Variants in JAKMIP2 observed in about 807,000 individuals in gnomAD.
JAKMIP2 encodes janus kinase and microtubule-interacting protein 2.
A neutral mutation model predicts 115.0 loss-of-function variants in JAKMIP2; 25 were observed. That is an observed-to-expected ratio of 0.22 (90% CI 0.16 to 0.30). The LOEUF is 0.30. Among genes scored for constraint, JAKMIP2 ranks in the 10% least tolerant of loss-of-function variants. The pLI, the probability that JAKMIP2 is intolerant of heterozygous loss-of-function variation, is 1.00. For synonymous variants in JAKMIP2, 334 were observed against 343.6 expected (o/e 0.97, Z 0.31); for missense variants, 642 against 957.6 (o/e 0.67, Z 4.35).
chr5:147,738,647 GAA>G (rs34231900), intron 1 of JAKMIP2, among the ~76,000 whole-genome samples: 1 of 151,572 alleles, frequency 6.6e-6, no homozygotes, highest in African/African-American at 2.4e-5. Context: ...AAAAAATTCA[GAA>G]AAAAAGTTTC....
At chr5:147,620,803 T>C (rs1756813797) in intron 17 of JAKMIP2, 60 bp from the exon 18 acceptor site, 19 of 1,155,942 alleles carry the variant, frequency 1.6e-5, no homozygotes, top group Non-Finnish European at 2.3e-5. Flanking sequence ...GACGTACAAA[T>C]GGTATTGATT....
In JAKMIP2 at chr5:147,585,712, A is replaced by T. The variant is rs1754840035; in HGVS notation, c.*5995T>A. The T allele has an allele frequency of 6.6e-6, 1 of 152,180 alleles. No individual in the cohort carries two copies. The highest frequency in any genetic ancestry group is 1.5e-5 in the Non-Finnish European group (1 of 68,032). The allele number at this position is 152,180 out of a possible 1,614,324, so 9.4% of individuals were successfully genotyped here. ...GGAGTCATGCTAATGAGATGGAAAG[A>T]AAGAACCCCAATTGAGGCAGTTGAT... On this transcript the variant is annotated 3_prime_UTR_variant, in exon 22 of 22. Transcript: ENST00000616793.
At chr5:147,762,096 ATATT>A (rs372332874) in intron 1 of JAKMIP2, among the ~76,000 whole-genome samples, 4 of 152,150 alleles carry the variant, frequency 2.6e-5, no homozygotes, top group South Asian at 4.1e-4. Context: ...GAAGAAAACT[ATATT>A]TAGGAAGGAT....
intron 1 of JAKMIP2, among the ~76,000 whole-genome samples, chr5:147,694,525 AG>A: frequency 6.6e-6 from 1 of 152,190 alleles, no homozygotes; most frequent in East Asian, 1.9e-4. Flanking sequence ...TGAAATTGAT[AG>A]GCTATGCTTG....
At chr5:147,750,176 G>T (rs1188873108) in intron 1 of JAKMIP2, among the ~76,000 whole-genome samples, 1 of 152,086 alleles carries the variant, frequency 6.6e-6, no homozygotes, top group Non-Finnish European at 1.5e-5. Flanking sequence ...CACAACCATT[G>T]CGAAATAAAC....
intron 1 of JAKMIP2, among the ~76,000 whole-genome samples, chr5:147,751,927 G>C (rs545566411): frequency 1.3e-5 from 2 of 152,244 alleles, no homozygotes; most frequent in African/African-American, 2.4e-5. Flanking sequence ...ATCTGGGTTA[G>C]AGCAGTCAAG....
At chr5:147,683,547 T>TA (rs1406602024) in intron 1 of JAKMIP2, among the ~76,000 whole-genome samples, 6 of 152,014 alleles carry the variant, frequency 3.9e-5, no homozygotes, top group South Asian at 4.2e-4. Context: ...CATGTAAAGT[T>TA]AAAAAAAATG....
intron 1 of JAKMIP2, among the ~76,000 whole-genome samples, chr5:147,762,208 T>C (rs1183651308): frequency 3.3e-5 from 5 of 152,196 alleles, no homozygotes; most frequent in Non-Finnish European, 7.4e-5. Context: ...CTAGTATATT[T>C]TTTAGTTACC....
At chr5:147,767,288 T>A (rs1390556234) in intron 1 of JAKMIP2, among the ~76,000 whole-genome samples, 5 of 152,140 alleles carry the variant, frequency 3.3e-5, no homozygotes. Flanking sequence ...GACAAAGAAC[T>A]GACGGAAAAT....
At chr5:147,662,361 G>A (rs1759048177) in intron 2 of JAKMIP2, among the ~76,000 whole-genome samples, 1 of 152,090 alleles carries the variant, frequency 6.6e-6, no homozygotes. Context: ...CAAGTAGTTT[G>A]ATAAAATATT....
intron 1 of JAKMIP2, among the ~76,000 whole-genome samples, chr5:147,752,533 A>G (rs1032458008): frequency 6.6e-6 from 1 of 152,150 alleles, no homozygotes; most frequent in African/African-American, 2.4e-5. Context: ...CTACAACAGG[A>G]GAGTTAAGTG....
chr5:147,631,353 C>T, intron 14 of JAKMIP2, 60 bp downstream of exon 14: 2 of 1,080,792 alleles, frequency 1.9e-6, no homozygotes, highest in Non-Finnish European at 2.7e-6. Context: ...GTAACCTCCC[C>T]TTTTCCAATT....
chr5:147,652,352 T>C (rs1758439556), intron 3 of JAKMIP2, among the ~76,000 whole-genome samples: 1 of 152,216 alleles, frequency 6.6e-6, no homozygotes, highest in Admixed American at 6.5e-5. Flanking sequence ...CCCAAAGTGG[T>C]TTCCTGTGGG....
intron 20 of JAKMIP2, among the ~76,000 whole-genome samples, chr5:147,611,209 C>A (rs1341781785): frequency 2.0e-5 from 3 of 152,170 alleles, no homozygotes; most frequent in African/African-American, 4.8e-5. Context: ...GTCTTGATGG[C>A]ATTCCAGGTG....
chr5:147,771,707 T>C (rs1207505951), intron 1 of JAKMIP2, among the ~76,000 whole-genome samples: 1 of 152,112 alleles, frequency 6.6e-6, no homozygotes, highest in Non-Finnish European at 1.5e-5. Context: ...GACAGGGAAC[T>C]GTAGTGCTAC....
At chr5:147,767,337 T>C (rs1337298255) in intron 1 of JAKMIP2, among the ~76,000 whole-genome samples, 1 of 152,200 alleles carries the variant, frequency 6.6e-6, no homozygotes, top group African/African-American at 2.4e-5. Context: ...CATTGGCTTA[T>C]AGCTGGATGA....
chr5:147,771,266 T>C (rs1755344107), intron 1 of JAKMIP2, among the ~76,000 whole-genome samples: 2 of 152,102 alleles, frequency 1.3e-5, no homozygotes, highest in Admixed American at 1.3e-4. Context: ...CTAGAGTAAG[T>C]ATTAAGTTGC....
intron 1 of JAKMIP2, among the ~76,000 whole-genome samples, chr5:147,773,507 T>C (rs1755442354): frequency 6.6e-6 from 1 of 152,148 alleles, no homozygotes; most frequent in African/African-American, 2.4e-5. Context: ...AGCGAGTGGC[T>C]AGAAATATTA....
rs564039530 is a variant in JAKMIP2 at position 147,698,495 on chromosome 5, C to G, written c.-148-26541G>C. 2.0e-5 allele frequency among the ~76,000 whole-genome samples: 3 copies of G among 152,258 alleles called. No individual in the cohort carries two copies. The East Asian group carries it at 5.8e-4, about 29-fold the overall frequency. ...GATATGGTTTGGCTGTGTCCCCACC[C>G]AAATCTCATCTTGAACTGTAGTTCC... On this transcript the variant is annotated intron_variant, in intron 1 of 21. Transcript: ENST00000616793.
Sources: gnomAD v4.1 joint callset for allele counts (sites outside exome capture counted in the v4.1 genomes callset) on GRCh38, gnomAD v4.1.1 for gene constraint, MANE v1.5 for transcripts, NCBI Gene and HGNC (gene_info 2026-07-23, HGNC 2026-07-21) for gene names.